The following TSEN2 variants were observed in gnomAD, a reference collection of about 807,000 sequenced individuals.
The protein encoded by TSEN2 is tRNA-splicing endonuclease subunit Sen2.
A neutral mutation model predicts 59.2 loss-of-function variants in TSEN2; 54 were observed. The ratio of observed to expected loss-of-function variants is 0.91; its 90% confidence interval spans 0.73 to 1.14. TSEN2 has a LOEUF of 1.14. Among genes scored for constraint, TSEN2 ranks in the 50% most tolerant of loss-of-function variants. TSEN2 has a pLI of 0.00. For missense variants in TSEN2, 636 were observed against 576.2 expected (o/e 1.10, Z -1.06); for synonymous variants, 195 against 198.2 (o/e 0.98, Z 0.14).
chr3:12,534,803 CAAA>C (rs34727253), downstream of TSEN2, among the ~76,000 whole-genome samples: 9 of 68,994 alleles, frequency 1.3e-4, no homozygotes, highest in Non-Finnish European at 1.2e-4. Flanking sequence ...GACTCTGTCT[CAAA>C]AAAAAAAAAA....
intron 10 of TSEN2, 56 bp from the exon 11 acceptor site, chr3:12,531,514 C>G: frequency 8.0e-7 from 1 of 1,242,788 alleles, no homozygotes; most frequent in Non-Finnish European, 1.2e-6. Flanking sequence ...GCTGATGCAC[C>G]CAAATTTGTA....
At chr3:12,514,403 G>C (rs1031149057) in intron 6 of TSEN2, among the ~76,000 whole-genome samples, 4 of 152,118 alleles carry the variant, frequency 2.6e-5, no homozygotes, top group Non-Finnish European at 5.9e-5. Context: ...TTTTAATTAG[G>C]GGAACGACGT....
chr3:12,483,853 G>A (rs1024897447), upstream of TSEN2, among the ~76,000 whole-genome samples: 1 of 152,136 alleles, frequency 6.6e-6, no homozygotes, highest in African/African-American at 2.4e-5. Flanking sequence ...TAATTCTGAT[G>A]GCCCATTTTT....
At chr3:12,529,036 G>A (rs2057291453) in intron 9 of TSEN2, 112 bp downstream of exon 9, 6 of 1,006,470 alleles carry the variant, frequency 6.0e-6, no homozygotes, top group Admixed American at 1.7e-5. Context: ...TTCCTGGCCT[G>A]ATACGAATAG....
intron 6 of TSEN2, among the ~76,000 whole-genome samples, chr3:12,513,529 A>G (rs1276470460): frequency 6.6e-6 from 1 of 152,332 alleles, no homozygotes; most frequent in Admixed American, 6.5e-5. Flanking sequence ...AGAAAGCATT[A>G]TTATCCCCAT....
At chr3:12,525,347 C>T (rs539445818) in intron 8 of TSEN2, among the ~76,000 whole-genome samples, 1 of 152,124 alleles carries the variant, frequency 6.6e-6, no homozygotes, top group East Asian at 1.9e-4. Flanking sequence ...GGAGTGATAC[C>T]ATAAGTAGTG....
At chr3:12,480,538 T>TTG (rs2052180803), upstream of TSEN2, among the ~76,000 whole-genome samples, 3 of 142,586 alleles carry the variant, frequency 2.1e-5, no homozygotes, top group Non-Finnish European at 4.6e-5. Context: ...GTTTTTTTTT[T>TTG]TTTTTTTTTT....
exon 11 of TSEN2, chr3:12,539,241 C>T (rs1245310836): frequency 1.0e-5 from 4 of 396,136 alleles, no homozygotes. Context: ...TTAAGCGATT[C>T]TCATGCCTCA....
chr3:12,512,904 A>G (rs2055633041), intron 6 of TSEN2, among the ~76,000 whole-genome samples: 1 of 152,244 alleles, frequency 6.6e-6, no homozygotes, highest in Admixed American at 6.5e-5. Flanking sequence ...TGAGGGCCCT[A>G]ACTACATTTA....
intron 11 of TSEN2, 29 bp from the exon 12 acceptor site, chr3:12,532,633 G>A (rs778465924): frequency 3.1e-6 from 5 of 1,613,104 alleles, no homozygotes; most frequent in Non-Finnish European, 4.2e-6. Flanking sequence ...TCTGTTTTAA[G>A]AAATGGTCTT....
rs1032496010 is a variant in TSEN2, at chr3:12,503,315, A to T, written c.362A>T (p.Asp121Val). The stretch of plus-strand genomic sequence containing the variant: ...GAGCTGATGCGTAGACAGGGGCAGG[A>T]TGAGAGTACAGTGCGCAGAATCCTC... Reference protein sequence around the residue: ...AAELMRRQGQDESTVRRILKD... With the variant: ...AAELMRRQGQVESTVRRILKD... The change falls in exon 5 of 12, where the codon GAT becomes GTT. Residue 121 changes from aspartate to valine, a missense_variant. Transcript: ENST00000284995. The T allele has an allele frequency of 1.2e-6, 2 of 1,614,080 alleles. No homozygotes were observed. Among genetic ancestry groups the T allele is most frequent in the African/African-American group, 2.7e-5 (2 of 74,910 alleles).
At chr3:12,537,550 C>G (rs1361360266), downstream of TSEN2, among the ~76,000 whole-genome samples, 1 of 152,154 alleles carries the variant, frequency 6.6e-6, no homozygotes, top group Non-Finnish European at 1.5e-5. Context: ...TCCTCATTTT[C>G]TCCTTTTTCT....
intron 4 of TSEN2, among the ~76,000 whole-genome samples, chr3:12,501,166 A>G (rs550586878): frequency 1.3e-3 from 197 of 152,298 alleles, no homozygotes; most frequent in African/African-American, 4.5e-3. Context: ...AGGTGAGAAG[A>G]CACCCTGCAG....
chr3:12,508,903 C>G (rs1429266778), intron 6 of TSEN2, among the ~76,000 whole-genome samples: 1 of 152,062 alleles, frequency 6.6e-6, no homozygotes, highest in Admixed American at 6.6e-5. Context: ...CTCTGTTGCC[C>G]AGGCTGGAGT....
At chr3:12,534,218 G>A (rs2057615613), downstream of TSEN2, among the ~76,000 whole-genome samples, 2 of 152,166 alleles carry the variant, frequency 1.3e-5, no homozygotes, top group South Asian at 2.1e-4. Flanking sequence ...GCAGCCTGAA[G>A]CCCCCTTACT....
At chr3:12,502,689 G>GT (rs11426170) in intron 4 of TSEN2, among the ~76,000 whole-genome samples, 13,461 of 105,692 alleles carry the variant, frequency 0.13, 808 homozygotes, top group Admixed American at 0.22. Context: ...TTTTTTTTTT[G>GT]TTTTTTTTTT....
At position 12,532,741 on chromosome 3, in the gene TSEN2, TA is replaced by T; in HGVS notation, c.*22del. ...CTTTAACAATTCAACCTCAAATTTC[TA>T]ATTTCACCAACAACTATTTATTGAG... On this transcript the variant is annotated 3_prime_UTR_variant, in exon 12 of 12. Transcript: ENST00000284995. 1 of 1,613,196 alleles carries T rather than the reference TA, an allele frequency of 6.2e-7. No homozygotes were observed. Among genetic ancestry groups the T allele is most frequent in the South Asian group, 1.1e-5 (1 of 91,072 alleles).
At chr3:12,520,181 G>A (rs1280324455) in intron 8 of TSEN2, among the ~76,000 whole-genome samples, 6 of 152,076 alleles carry the variant, frequency 3.9e-5, no homozygotes, top group Non-Finnish European at 8.8e-5. Context: ...TGTATTGTTA[G>A]TACAGACAAG....
intron 8 of TSEN2, among the ~76,000 whole-genome samples, chr3:12,523,523 A>ATTCTTTTTTTTTTT (rs2056818376): frequency 3.9e-5 from 2 of 51,028 alleles, no homozygotes; most frequent in African/African-American, 8.4e-5. Flanking sequence ...TTCCTCTTTG[A>ATTCTTTTTTTTTTT]TTCTTTTTTT....
Sources: allele counts gnomAD v4.1 joint callset (sites outside exome capture counted in the v4.1 genomes callset), GRCh38; gene constraint gnomAD v4.1.1; transcripts MANE v1.5; gene names NCBI Gene and HGNC (gene_info 2026-07-23, HGNC 2026-07-21).